SETX: variants seen among roughly 807,000 people sequenced by gnomAD.
The protein encoded by SETX is senataxin, also known as helicase senataxin.
SETX carries 90 observed loss-of-function variants against 227.2 expected under a neutral mutation model. The ratio of observed to expected loss-of-function variants is 0.40; its 90% confidence interval spans 0.33 to 0.47. The LOEUF is 0.47. Among genes scored for constraint, SETX ranks in the 20% least tolerant of loss-of-function variants. The pLI, the probability that SETX is intolerant of heterozygous loss-of-function variation, is 0.91. For synonymous variants in SETX, 1,210 were observed against 1,113.2 expected (o/e 1.09, Z -1.73); for missense variants, 3,052 against 3,181.5 (o/e 0.96, Z 0.98).
intron 11 of SETX, among the ~76,000 whole-genome samples, chr9:132,306,926 T>C (rs1220538408): frequency 6.6e-6 from 1 of 152,212 alleles, no homozygotes; most frequent in African/African-American, 2.4e-5. Context: ...TGTCATATCT[T>C]CTGTTGAACC....
At chr9:132,335,060 AC>A in intron 6 of SETX, among the ~76,000 whole-genome samples, 1 of 152,238 alleles carries the variant, frequency 6.6e-6, no homozygotes, top group South Asian at 2.1e-4. Context: ...CATTTATGAC[AC>A]GTGACCTTAA....
rs1383926381 is a variant in SETX, at chr9:132,283,297, C to G, written c.6513G>C (p.Gly2171=). 1.2e-6 allele frequency: 2 copies of G among 1,614,168 alleles called. No homozygotes were observed. The highest frequency in any genetic ancestry group is 1.1e-5 in the South Asian group (1 of 91,082). ...LLLESAFRGQ[G]GVPFSCVIVD... is the part of the protein sequence containing the mutation. The stretch of plus-strand genomic sequence containing the variant: ...CAATGACACAGCTGAAGGGGACACC[C>G]CCTTGCCCACGGAAAGCAGACTCAA... The change falls in exon 19 of 26, where the codon GGG becomes GGC. Residue 2171 remains glycine (G), a synonymous_variant. Coordinates refer to ENST00000224140, the MANE Select transcript of SETX (RefSeq NM_015046.7).
Position 132,326,770 on chromosome 9 carries a change from G to C in SETX, c.4828C>G (p.Leu1610Val). ...SSKSTSRIAG[L>V]SKSLETSSAL... Reference sequence around the variant, plus strand: ...GAAGAAGTTTCCAAAGATTTAGAAAGACCAGCAATTCGTGAAGTACTCTTT... The same window carrying C: ...GAAGAAGTTTCCAAAGATTTAGAAACACCAGCAATTCGTGAAGTACTCTTT... Residue 1610 changes from leucine to valine, a missense_variant, in exon 10 of 26, where the codon CTT becomes GTT. Leu to Val is a conservative substitution (Grantham distance 32). Around this residue, in one of 10 missense-constraint regions of SETX, gnomAD observed 1,483 missense variants for 1,312.0 expected, o/e 1.13. Transcript: ENST00000224140. 1 of 1,614,224 alleles carries C rather than the reference G, an allele frequency of 6.2e-7. No individual in the cohort carries two copies. The highest frequency in any genetic ancestry group is 8.5e-7 in the Non-Finnish European group (1 of 1,180,032).
At chr9:132,305,472 T>C (rs1341742421) in intron 11 of SETX, among the ~76,000 whole-genome samples, 6 of 147,528 alleles carry the variant, frequency 4.1e-5, no homozygotes, top group South Asian at 2.1e-4. Flanking sequence ...AATGAAAAAA[T>C]AGTAACTTCA....
chr9:132,295,071 C>T (rs1342898539), intron 15 of SETX, among the ~76,000 whole-genome samples: 1 of 152,200 alleles, frequency 6.6e-6, no homozygotes, highest in Non-Finnish European at 1.5e-5. Context: ...AAAGCCATAA[C>T]TATACCACTC....
intron 10 of SETX, among the ~76,000 whole-genome samples, chr9:132,313,388 T>C (rs74397826): frequency 0.11 from 16,050 of 152,130 alleles, 950 homozygotes; most frequent in East Asian, 0.24. Context: ...CAGATACTTT[T>C]AGTTTGAAAT....
intron 2 of SETX, among the ~76,000 whole-genome samples, chr9:132,353,293 T>G (rs548306393): frequency 9.9e-5 from 15 of 152,118 alleles, no homozygotes; most frequent in Non-Finnish European, 1.9e-4. Flanking sequence ...TTATGGAAGC[T>G]CTTCCACTGG....
chr9:132,300,304 T>A (rs1844915226), intron 12 of SETX, among the ~76,000 whole-genome samples: 1 of 152,262 alleles, frequency 6.6e-6, no homozygotes, highest in East Asian at 1.9e-4. Flanking sequence ...TGTTTGGTCA[T>A]CTCATTAGTA....
intron 7 of SETX, among the ~76,000 whole-genome samples, chr9:132,332,215 T>A (rs1236236426): frequency 6.6e-6 from 1 of 152,248 alleles, no homozygotes; most frequent in Non-Finnish European, 1.5e-5. Context: ...TTATTTTTCA[T>A]ATTCCTATAA....
At chr9:132,313,481 G>A (rs747527772) in intron 10 of SETX, among the ~76,000 whole-genome samples, 4 of 152,190 alleles carry the variant, frequency 2.6e-5, no homozygotes, top group Admixed American at 6.5e-5. Flanking sequence ...TACAATGACC[G>A]ATTAATGATA....
chr9:132,303,620 T>C (rs1845156243), intron 11 of SETX, among the ~76,000 whole-genome samples: 1 of 151,872 alleles, frequency 6.6e-6, no homozygotes, highest in African/African-American at 2.4e-5. Context: ...ATAAATATAA[T>C]AAATAACTTG....
chr9:132,318,055 T>A (rs1846095583), intron 10 of SETX, among the ~76,000 whole-genome samples: 1 of 151,716 alleles, frequency 6.6e-6, no homozygotes, highest in South Asian at 2.1e-4. Context: ...CTTTTTCTTG[T>A]CTATTTTCTG....
At chr9:132,331,204 T>C (rs1847213629) in intron 8 of SETX, 65 bp from the exon 9 acceptor site, 1 of 1,607,240 alleles carries the variant, frequency 6.2e-7, no homozygotes, top group Admixed American at 1.7e-5. Context: ...GAAACACCTC[T>C]TGTTAAGTAA....
chr9:132,274,942 A>G, intron 23 of SETX: 2 of 343,106 alleles, frequency 5.8e-6, no homozygotes, highest in Admixed American at 4.4e-5. Context: ...TTAAAGTGAA[A>G]TGTTACTTTT....
intron 2 of SETX, among the ~76,000 whole-genome samples, chr9:132,352,216 G>A (rs1334097262): frequency 1.3e-5 from 2 of 152,132 alleles, no homozygotes; most frequent in African/African-American, 2.4e-5. Flanking sequence ...CTCTGCTAAA[G>A]CATATGAAAA....
At chr9:132,313,399 T>C (rs1478276611) in intron 10 of SETX, among the ~76,000 whole-genome samples, 2 of 152,104 alleles carry the variant, frequency 1.3e-5, no homozygotes, top group Non-Finnish European at 2.9e-5. Context: ...AGTTTGAAAT[T>C]ATTTGGGCCT....
rs1334354955 is a variant in SETX, at chr9:132,264,310, T to C, written c.7963A>G (p.Arg2655Gly). Residue 2655 changes from arginine (R) to glycine (G), a missense_variant, in exon 26 of 26, where the codon AGG becomes GGG. By Grantham distance (125) the Arg-to-Gly change is moderately radical. Around this residue, in one of 10 missense-constraint regions of SETX, gnomAD observed 294 missense variants for 278.8 expected, o/e 1.05. Transcript: ENST00000224140. ...GTCCTCTTGTCCCACCTAGAGTTCCTCCTGGTGTGATGGGTCTCGGAACCA... is the reference window on the plus strand; with the variant it reads ...GTCCTCTTGTCCCACCTAGAGTTCCCCCTGGTGTGATGGGTCTCGGAACCA... ...KCGSETHHTRRNSRWDKRTLE... is the reference protein window; with the variant it reads ...KCGSETHHTRGNSRWDKRTLE... 6.2e-7 allele frequency: 1 copy of C among 1,614,232 alleles called. No individual in the cohort carries two copies. Among genetic ancestry groups the C allele is most frequent in the South Asian group, 1.1e-5 (1 of 91,084 alleles).
intron 3 of SETX, among the ~76,000 whole-genome samples, chr9:132,347,802 G>C (rs149302286): frequency 8.6e-5 from 13 of 151,998 alleles, no homozygotes; most frequent in African/African-American, 2.9e-4. Context: ...ACGCTGGATA[G>C]CTTCATAATT....
intron 18 of SETX, 59 bp from the exon 19 acceptor site, chr9:132,283,472 G>A: frequency 1.9e-6 from 3 of 1,586,890 alleles, no homozygotes; most frequent in Non-Finnish European, 2.6e-6. Context: ...ACTATGACAG[G>A]CCTATGTTTA....
Sources: gnomAD v4.1 joint callset for allele counts (sites outside exome capture counted in the v4.1 genomes callset) on GRCh38, gnomAD v4.1.1 for gene constraint, gnomAD v4.1.1 regional missense constraint, MANE v1.5 for transcripts, NCBI Gene and HGNC (gene_info 2026-07-23, HGNC 2026-07-21) for gene names.